Variants in KLF13 observed in about 807,000 individuals in gnomAD.
KLF13 encodes the protein KLF transcription factor 13.
In KLF13, 8 loss-of-function variants were observed where a neutral mutation model predicts 16.7. The ratio of observed to expected loss-of-function variants is 0.48; its 90% CI spans 0.28 to 0.87. The LOEUF (loss-of-function observed/expected upper bound fraction) is 0.87. KLF13 is among the 40% of genes least tolerant of loss of function. The pLI, the probability that KLF13 is intolerant of heterozygous loss-of-function variation, is 0.10. For missense variants in KLF13, 447 were observed against 452.2 expected, an observed-to-expected ratio of 0.99 and a Z score of 0.10; for synonymous variants, 245 against 208.4, an observed-to-expected ratio of 1.18 and a Z score of -1.51.
intron 1 of KLF13, among the ~76,000 whole-genome samples, chr15:31,430,117 A>G (rs1465319943): frequency 6.6e-6 from 1 of 152,202 alleles, no homozygotes; most frequent in Non-Finnish European, 1.5e-5. Context: ...AAACAGCACT[A>G]ATGATAAAGG....
At position 31,349,024 on chromosome 15, in the gene KLF13, ACCAT is replaced by A. The variant is rs1481850876; in HGVS notation, c.577+21241_577+21244del. Among the ~76,000 whole-genome samples, 7 of 152,122 alleles carry A rather than the reference ACCAT, an allele frequency of 4.6e-5. No individual in the cohort carries two copies. In the South Asian group the frequency reaches 1.5e-3, roughly 32 times the overall value. On this transcript the variant is annotated intron_variant, in intron 1 of 1. Transcript: ENST00000307145. ...CCTTCCAGAGGCCCCAATTCCTAAGACCATCCATCAAGCTGGGAGTTAGGGCTTC... is the reference window on the plus strand; with the variant it reads ...CCTTCCAGAGGCCCCAATTCCTAAGACCATCAAGCTGGGAGTTAGGGCTTC...
In KLF13 at chr15:31,423,136, T is replaced by TATATAC. The variant is rs1566848289; in HGVS notation, n.118-12233_118-12232insTATACA. Among the ~76,000 whole-genome samples the TATATAC allele has an allele frequency of 6.1e-3, 655 of 107,736 alleles. 99 individuals carry two copies. The highest frequency in any genetic ancestry group is 8.0e-3 in the Non-Finnish European group (478 of 59,928). 70.7% of individuals were successfully genotyped at this position (107,736 alleles called of 152,430 possible). On this transcript the variant is annotated intron_variant and non_coding_transcript_variant, in intron 1 of 1. Coordinates refer to the KLF13 transcript ENST00000558225. ...ACGTATATATACGTATATATACGTA[T>TATATAC]ACGTATACGTATATATACGTATATA...
chr15:31,389,825 C>T (rs565799865), upstream of KLF13, among the ~76,000 whole-genome samples: 1 of 152,296 alleles, frequency 6.6e-6, no homozygotes, highest in South Asian at 2.1e-4. Flanking sequence ...GCACAGCTAA[C>T]CGCTGGGCCA....
chr15:31,401,648 A>G (rs1284326395), intron 2 of KLF13, among the ~76,000 whole-genome samples: 1 of 152,030 alleles, frequency 6.6e-6, no homozygotes, highest in Non-Finnish European at 1.5e-5. Context: ...TCTTAATAAC[A>G]CTCAGCGGGA....
At chr15:31,370,811 T>C (rs1469543335) in intron 1 of KLF13, among the ~76,000 whole-genome samples, 2 of 152,210 alleles carry the variant, frequency 1.3e-5, no homozygotes, top group African/African-American at 4.8e-5. Context: ...ATCAGAAATT[T>C]CAAGTTAAAA....
At chr15:31,416,574 C>T (rs1042097818) in intron 1 of KLF13, among the ~76,000 whole-genome samples, 1 of 152,034 alleles carries the variant, frequency 6.6e-6, no homozygotes, top group African/African-American at 2.4e-5. Flanking sequence ...ATTTGAAAAA[C>T]TCCAACACCT....
At chr15:31,348,555 T>A (rs1015176791) in intron 1 of KLF13, among the ~76,000 whole-genome samples, 29 of 152,304 alleles carry the variant, frequency 1.9e-4, no homozygotes, top group African/African-American at 6.5e-4. Context: ...AAGCCCCTCC[T>A]GGCAGCCAAG....
downstream of KLF13, among the ~76,000 whole-genome samples, chr15:31,408,500 G>T (rs1033771826): frequency 6.6e-6 from 1 of 152,162 alleles, no homozygotes; most frequent in Non-Finnish European, 1.5e-5. Flanking sequence ...GGTAACACTA[G>T]AATTTGAAGT....
intron 1 of KLF13, among the ~76,000 whole-genome samples, chr15:31,343,679 A>G (rs975859074): frequency 6.6e-5 from 10 of 152,178 alleles, no homozygotes; most frequent in Non-Finnish European, 1.3e-4. Flanking sequence ...AAAGTTTTCT[A>G]CTTAAACTGC....
At chr15:31,405,389 A>G (rs574194936), downstream of KLF13, among the ~76,000 whole-genome samples, 74 of 152,360 alleles carry the variant, frequency 4.9e-4, 1 homozygote, top group South Asian at 0.015. Context: ...GGCCACAGCA[A>G]GAAGACTGCG....
chr15:31,422,920 C>G (rs2040346007), intron 1 of KLF13, among the ~76,000 whole-genome samples: 2 of 151,064 alleles, frequency 1.3e-5, no homozygotes, highest in African/African-American at 4.9e-5. Flanking sequence ...ACCTGTAGTC[C>G]CAGCTACTCA....
intron 1 of KLF13, among the ~76,000 whole-genome samples, chr15:31,335,256 G>A (rs903657209): frequency 6.6e-6 from 1 of 152,116 alleles, no homozygotes; most frequent in Non-Finnish European, 1.5e-5. Flanking sequence ...GCTTTTGGGG[G>A]AGACATGAAG....
At chr15:31,406,503 C>T (rs1475442621), downstream of KLF13, among the ~76,000 whole-genome samples, 3 of 152,006 alleles carry the variant, frequency 2.0e-5, no homozygotes, top group South Asian at 2.1e-4. Flanking sequence ...AATGTGTCTG[C>T]TAGGAGTTCA....
chr15:31,328,569 C>T (rs1289178763), intron 1 of KLF13, among the ~76,000 whole-genome samples: 1 of 151,904 alleles, frequency 6.6e-6, no homozygotes, highest in African/African-American at 2.4e-5. Flanking sequence ...GCTGCCCTCT[C>T]GCCTGCCCAC....
intron 1 of KLF13, among the ~76,000 whole-genome samples, chr15:31,329,377 G>A (rs1005735519): frequency 7.9e-5 from 12 of 152,086 alleles, no homozygotes; most frequent in Admixed American, 7.2e-4. Flanking sequence ...CGCTTTGGGG[G>A]ATGATGCCCG....
intron 1 of KLF13, among the ~76,000 whole-genome samples, chr15:31,418,601 C>T (rs2040284398): frequency 6.6e-6 from 1 of 152,118 alleles, no homozygotes; most frequent in African/African-American, 2.4e-5. Context: ...CTGAACAACT[C>T]AACACCACAA....
rs925905727 is a variant in KLF13 at position 31,431,121 on chromosome 15, A to G, written n.118-4249A>G. Among the ~76,000 whole-genome samples the G allele has an allele frequency of 3.9e-5, 6 of 152,286 alleles. No homozygotes were observed. The South Asian group carries it at 1.0e-3, about 26-fold the overall frequency. ...AGTTAGTGACCTTAAAAAAAGAGACACAAAAGAGCTTGCTGCCTCTTTCTC... is the reference window on the plus strand; with the variant it reads ...AGTTAGTGACCTTAAAAAAAGAGACGCAAAAGAGCTTGCTGCCTCTTTCTC... On this transcript the variant is annotated intron_variant and non_coding_transcript_variant, in intron 1 of 1. Coordinates refer to the KLF13 transcript ENST00000558225.
At chr15:31,401,150 G>A (rs150006370) in intron 2 of KLF13, among the ~76,000 whole-genome samples, 2,095 of 152,136 alleles carry the variant, frequency 0.014, 63 homozygotes, top group African/African-American at 0.047. Flanking sequence ...ACAGGCATGC[G>A]CCACCACGCC....
chr15:31,414,800 A>G (rs1404032541), intron 1 of KLF13, among the ~76,000 whole-genome samples: 3 of 150,058 alleles, frequency 2.0e-5, no homozygotes, highest in Admixed American at 6.7e-5. Flanking sequence ...CAGAAGATCA[A>G]TAAAGAAGTA....
Sources: allele counts gnomAD v4.1 joint callset (sites outside exome capture counted in the v4.1 genomes callset), GRCh38; gene constraint gnomAD v4.1.1; transcripts MANE v1.5; gene names NCBI Gene and HGNC (gene_info 2026-07-23, HGNC 2026-07-21).